The following MYO1H variants were observed in gnomAD, a reference collection of about 807,000 sequenced individuals.
The protein encoded by MYO1H is myosin IH.
Under a neutral mutation model 149.3 loss-of-function variants are expected in MYO1H, and 118 were observed. That is an observed-to-expected ratio of 0.79 (90% confidence interval 0.68 to 0.92). The LOEUF (loss-of-function observed/expected upper bound fraction) is 0.92, where lower values mean the gene tolerates loss of function less well. Among genes scored for constraint, MYO1H ranks in the 40% least tolerant of loss-of-function variants. MYO1H has a pLI of 0.00. For synonymous variants in MYO1H, 447 were observed against 465.2 expected, an observed-to-expected ratio of 0.96 and a Z score of 0.50; for missense variants, 1,212 against 1,280.7, an observed-to-expected ratio of 0.95 and a Z score of 0.82.
the MYO1H span, among the ~76,000 whole-genome samples, chr12:109,316,908 C>T: frequency 6.6e-6 from 1 of 152,112 alleles, no homozygotes; most frequent in Non-Finnish European, 1.5e-5. Context: ...TTTCAGTGTG[C>T]TTAGCTTTTG....
chr12:109,361,160 T>C (rs1008324878), intron 1 of MYO1H, among the ~76,000 whole-genome samples: 2 of 152,200 alleles, frequency 1.3e-5, no homozygotes, highest in African/African-American at 2.4e-5. Context: ...TGCCATGCAA[T>C]GTTTTTAAAA....
the MYO1H span, among the ~76,000 whole-genome samples, chr12:109,329,074 C>T: frequency 6.9e-6 from 1 of 144,770 alleles, no homozygotes; most frequent in African/African-American, 2.6e-5. Context: ...TTTTTAGGAA[C>T]CTCCTTTCTT....
chr12:109,348,010 G>C, intron 1 of MYO1H, 38 bp downstream of exon 1: 1 of 399,052 alleles, frequency 2.5e-6, no homozygotes, highest in African/African-American at 2.1e-5. Flanking sequence ...GTTACACCTG[G>C]TGACCTCTTT....
At chr12:109,406,555 T>A (rs1162043100) in intron 8 of MYO1H, among the ~76,000 whole-genome samples, 1 of 142,260 alleles carries the variant, frequency 7.0e-6, no homozygotes, top group East Asian at 2.1e-4. Context: ...GAGGCTAAGG[T>A]AGGAGGATCA....
intron 1 of MYO1H, among the ~76,000 whole-genome samples, chr12:109,354,618 T>TA (rs1555247905): frequency 0.026 from 3,122 of 119,360 alleles, 64 homozygotes; most frequent in South Asian, 0.067. Flanking sequence ...AGACTCTGTC[T>TA]AAAAAAAAAA....
intron 23 of MYO1H, 83 bp from the exon 24 acceptor site, chr12:109,439,548 C>G: frequency 7.1e-7 from 1 of 1,411,416 alleles, no homozygotes; most frequent in Non-Finnish European, 9.6e-7. Context: ...CTTTGGCCGC[C>G]TCTGAATCAA....
intron 5 of MYO1H, among the ~76,000 whole-genome samples, chr12:109,400,762 C>G (rs1203029046): frequency 6.6e-6 from 1 of 152,090 alleles, no homozygotes; most frequent in Non-Finnish European, 1.5e-5. Flanking sequence ...TGGCACAGAT[C>G]AACTGGATAT....
intron 10 of MYO1H, 144 bp downstream of exon 10, chr12:109,408,057 A>G (rs59977428): frequency 0.053 from 53,349 of 1,003,406 alleles, 1,960 homozygotes; most frequent in African/African-American, 0.16. Context: ...CACATTTCCC[A>G]TGTCTAGCAT....
intron 19 of MYO1H, among the ~76,000 whole-genome samples, chr12:109,431,057 A>C (rs912549488): frequency 2.7e-5 from 4 of 149,716 alleles, no homozygotes; most frequent in African/African-American, 9.8e-5. Context: ...TCCATCTCAA[A>C]AAAAAAAAAA....
At chr12:109,387,884 T>C (rs1566023215) in intron 1 of MYO1H, among the ~76,000 whole-genome samples, 2 of 152,216 alleles carry the variant, frequency 1.3e-5, no homozygotes, top group African/African-American at 4.8e-5. Context: ...GCCCCCTCCA[T>C]GGTCTCCCAT....
the MYO1H span, among the ~76,000 whole-genome samples, chr12:109,323,742 G>A: frequency 1.3e-5 from 2 of 152,148 alleles, no homozygotes; most frequent in African/African-American, 2.4e-5. Context: ...GTAACGAGTC[G>A]GGGTTTGATT....
chr12:109,335,642 TA>T, the MYO1H span, among the ~76,000 whole-genome samples: 1 of 152,364 alleles, frequency 6.6e-6, no homozygotes, highest in South Asian at 2.1e-4. Flanking sequence ...GGAATTGCAT[TA>T]AATATATGTA....
chr12:109,401,425 T>A, intron 6 of MYO1H, 153 bp downstream of exon 6: 1 of 724,002 alleles, frequency 1.4e-6, no homozygotes, highest in Non-Finnish European at 2.1e-6. Flanking sequence ...ACAAGCAATC[T>A]AATCCATCTC....
chr12:109,324,439 C>A, the MYO1H span, among the ~76,000 whole-genome samples: 1 of 152,206 alleles, frequency 6.6e-6, no homozygotes, highest in African/African-American at 2.4e-5. Context: ...ATGGGAGATA[C>A]TGTTGTGAAT....
At chr12:109,435,077 A>G (rs780302907) in exon 21 of MYO1H, 1 of 1,609,568 alleles carries the variant, frequency 6.2e-7, no homozygotes, top group East Asian at 2.2e-5. Flanking sequence ...TCTGTTTGCT[A>G]CCGAAGATGC....
At chr12:109,321,720 T>A in the MYO1H span, among the ~76,000 whole-genome samples, 1 of 152,138 alleles carries the variant, frequency 6.6e-6, no homozygotes, top group Non-Finnish European at 1.5e-5. Flanking sequence ...TAATATAAAA[T>A]TAAACAACAG....
At chr12:109,444,644 A>G (rs562242844) in intron 30 of MYO1H, 115 bp downstream of exon 30, 15 of 782,492 alleles carry the variant, frequency 1.9e-5, no homozygotes, top group East Asian at 5.3e-5. Flanking sequence ...AGGTGAGCAG[A>G]TAACTTGAGG....
At chr12:109,378,008 A>G (rs1164509751) in intron 1 of MYO1H, among the ~76,000 whole-genome samples, 1 of 152,242 alleles carries the variant, frequency 6.6e-6, no homozygotes, top group African/African-American at 2.4e-5. Context: ...TTAAAAACAT[A>G]ACCACTATGC....
intron 1 of MYO1H, among the ~76,000 whole-genome samples, chr12:109,362,176 A>G (rs985241389): frequency 1.3e-5 from 2 of 152,236 alleles, no homozygotes; most frequent in Non-Finnish European, 2.9e-5. Flanking sequence ...ACCACAAGTC[A>G]CCAAACAATT....
Sources: allele counts gnomAD v4.1 joint callset (sites outside exome capture counted in the v4.1 genomes callset), GRCh38; gene constraint gnomAD v4.1.1; transcripts MANE v1.5; gene names NCBI Gene and HGNC (gene_info 2026-07-23, HGNC 2026-07-21).